ROBO2: variants seen among roughly 807,000 people sequenced by gnomAD.
ROBO2 encodes the protein roundabout guidance receptor 2.
A neutral mutation model predicts 160.8 loss-of-function variants in ROBO2; 53 were observed. That is an observed-to-expected ratio of 0.33 (90% CI 0.26 to 0.41). ROBO2 has a LOEUF of 0.41. ROBO2 is among the 10% of genes least tolerant of loss of function. ROBO2 has a pLI of 1.00. For synonymous variants in ROBO2, 664 were observed against 611.7 expected, an observed-to-expected ratio of 1.09 and a Z score of -1.26; for missense variants, 1,577 against 1,722.4, an observed-to-expected ratio of 0.92 and a Z score of 1.49.
chr3:76,621,901 T>C (rs1403556168), intron 2 of ROBO2, among the ~76,000 whole-genome samples: 5 of 152,152 alleles, frequency 3.3e-5, no homozygotes, highest in South Asian at 2.1e-4. Context: ...TGATTAACTA[T>C]ACAAATATCT....
chr3:77,280,399 A>C (rs982923883), intron 2 of ROBO2, among the ~76,000 whole-genome samples: 9 of 152,266 alleles, frequency 5.9e-5, no homozygotes, highest in African/African-American at 2.2e-4. Context: ...TTGCCTTTCT[A>C]GATAGAGAAA....
At chr3:76,085,596 CT>C (rs2068985762) in intron 2 of ROBO2, among the ~76,000 whole-genome samples, 1 of 152,196 alleles carries the variant, frequency 6.6e-6, no homozygotes, top group South Asian at 2.1e-4. Context: ...ACTAACAGTT[CT>C]TTTTAGATCC....
At chr3:77,563,207 C>A in exon 11 of ROBO2, 6 of 1,613,430 alleles carry the variant, frequency 3.7e-6, no homozygotes, top group Non-Finnish European at 5.1e-6. Flanking sequence ...ATTTAAGTGA[C>A]CTGCCAGGGC....
chr3:77,464,500 G>T (rs955300036), intron 2 of ROBO2, among the ~76,000 whole-genome samples: 1 of 152,158 alleles, frequency 6.6e-6, no homozygotes, highest in Non-Finnish European at 1.5e-5. Flanking sequence ...TGACAAAGAA[G>T]AGGCTGTAGA....
At chr3:76,467,449 G>T (rs576460361) in intron 2 of ROBO2, among the ~76,000 whole-genome samples, 30 of 152,178 alleles carry the variant, frequency 2.0e-4, no homozygotes, top group African/African-American at 7.2e-4. Context: ...GCAGAAAGAG[G>T]TGGTGGTCAC....
intron 2 of ROBO2, among the ~76,000 whole-genome samples, chr3:76,358,184 C>T (rs1010240133): frequency 1.3e-5 from 2 of 151,924 alleles, no homozygotes; most frequent in African/African-American, 4.8e-5. Context: ...AGATGTCTGC[C>T]ATGACTGTGT....
intron 2 of ROBO2, among the ~76,000 whole-genome samples, chr3:76,961,241 C>A: frequency 1.9e-5 from 2 of 105,030 alleles, no homozygotes. Context: ...GCTAATGTGC[C>A]ACAGAGAAAA....
rs13082370 is a variant in ROBO2, at chr3:77,397,841, G to A, written c.389-79573G>A. The stretch of plus-strand genomic sequence containing the variant: ...AATGTTCTTCCTAGCTTTGTACTGA[G>A]TTCTCAATTTGTCTGCAAAACCGTT... On this transcript the variant is annotated intron_variant, in intron 2 of 25. Coordinates refer to ENST00000461745, the Ensembl canonical transcript of ROBO2. 3.8e-3 allele frequency among the ~76,000 whole-genome samples: 584 copies of A among 152,046 alleles called. 3 individuals are homozygous for A. The highest frequency in any genetic ancestry group is 0.02 in the Middle Eastern group (6 of 294).
At chr3:76,152,151 G>T (rs62268947) in intron 2 of ROBO2, among the ~76,000 whole-genome samples, 52,741 of 152,020 alleles carry the variant, frequency 0.35, 10,990 homozygotes, top group South Asian at 0.48. Context: ...CACTTCCAGG[G>T]TTATGATGCC....
At chr3:77,293,762 G>C (rs1235704487) in intron 2 of ROBO2, among the ~76,000 whole-genome samples, 1 of 141,954 alleles carries the variant, frequency 7.0e-6, no homozygotes, top group Non-Finnish European at 1.5e-5. Flanking sequence ...GATCACCCCA[G>C]ACATAAAGTA....
intron 2 of ROBO2, among the ~76,000 whole-genome samples, chr3:76,690,255 T>C (rs999046995): frequency 6.6e-6 from 1 of 152,130 alleles, no homozygotes; most frequent in Non-Finnish European, 1.5e-5. Context: ...ATTAAGGAGT[T>C]GGTCCTTGCT....
intron 2 of ROBO2, among the ~76,000 whole-genome samples, chr3:76,459,407 CTA>C (rs1030288233): frequency 2.0e-4 from 30 of 152,256 alleles, no homozygotes; most frequent in African/African-American, 7.2e-4. Flanking sequence ...ACCTGCAAAT[CTA>C]TGTTTCTTTC....
At chr3:77,347,460 T>A (rs892740187) in intron 2 of ROBO2, among the ~76,000 whole-genome samples, 3 of 152,154 alleles carry the variant, frequency 2.0e-5, no homozygotes, top group Non-Finnish European at 2.9e-5. Flanking sequence ...AGCATAGGAC[T>A]ATAATGTTTA....
At chr3:76,875,196 G>A (rs1015027388) in intron 2 of ROBO2, among the ~76,000 whole-genome samples, 10 of 152,074 alleles carry the variant, frequency 6.6e-5, no homozygotes, top group Non-Finnish European at 1.0e-4. Flanking sequence ...AGGAGGATGC[G>A]GCAACGGGGC....
Position 76,503,231 on chromosome 3 carries a change from T to C in ROBO2, c.109+565629T>C, listed in dbSNP as rs144812726. 1.1e-4 allele frequency among the ~76,000 whole-genome samples: 17 copies of C among 152,170 alleles called. No individual in the cohort carries two copies. In the East Asian group the frequency reaches 3.1e-3, roughly 28 times the overall value. On this transcript the variant is annotated intron_variant, in intron 2 of 26. Transcript: ENST00000487694. ...TGGGAGGCTAGGCCCGTCTCTCCTTTTCATGTTTTTCTGCCTGCTTTATAT... is the reference window on the plus strand; with the variant it reads ...TGGGAGGCTAGGCCCGTCTCTCCTTCTCATGTTTTTCTGCCTGCTTTATAT...
intron 2 of ROBO2, among the ~76,000 whole-genome samples, chr3:77,220,045 C>A (rs1421754624): frequency 6.6e-6 from 1 of 151,926 alleles, no homozygotes; most frequent in Non-Finnish European, 1.5e-5. Context: ...GAGTCTCACT[C>A]TGTTGCCCAG....
At chr3:77,174,659 T>C (rs946738073) in intron 2 of ROBO2, among the ~76,000 whole-genome samples, 1 of 152,102 alleles carries the variant, frequency 6.6e-6, no homozygotes, top group African/African-American at 2.4e-5. Context: ...CTGATACTCA[T>C]GTCTGTGACT....
intron 2 of ROBO2, among the ~76,000 whole-genome samples, chr3:76,744,573 G>A (rs773473389): frequency 9.9e-5 from 15 of 151,938 alleles, no homozygotes; most frequent in South Asian, 2.1e-4. Context: ...TGTTGCCCAG[G>A]CTGGTCTCAA....
chr3:76,933,010 A>C (rs1271796753), intron 2 of ROBO2, among the ~76,000 whole-genome samples: 1 of 151,964 alleles, frequency 6.6e-6, no homozygotes, highest in Non-Finnish European at 1.5e-5. Flanking sequence ...TAGGATGAGG[A>C]TATTCTTTTT....
Sources: gnomAD v4.1 joint callset for allele counts (sites outside exome capture counted in the v4.1 genomes callset) on GRCh38, gnomAD v4.1.1 for gene constraint, MANE v1.5 for transcripts, NCBI Gene and HGNC (gene_info 2026-07-23, HGNC 2026-07-21) for gene names.